The following STEAP4 variants were observed in gnomAD, a reference collection of about 807,000 sequenced individuals.
The protein encoded by STEAP4 is metalloreductase STEAP4.
A neutral mutation model predicts 43.6 loss-of-function variants in STEAP4; 36 were observed. That is an observed-to-expected ratio of 0.83 (90% CI 0.63 to 1.09). The LOEUF is 1.09. Among genes scored for constraint, STEAP4 ranks in the 50% least tolerant of loss-of-function variants. STEAP4 has a pLI of 0.00. For synonymous variants in STEAP4, 191 were observed against 196.7 expected (o/e 0.97, Z 0.24); for missense variants, 495 against 546.5 (o/e 0.91, Z 0.94).
At chr7:88,299,991 T>A (rs1586754054) in intron 1 of STEAP4, among the ~76,000 whole-genome samples, 1 of 152,282 alleles carries the variant, frequency 6.6e-6, no homozygotes, top group East Asian at 1.9e-4. Context: ...GGACTCCCCA[T>A]GGCCCCAGTG....
intron 1 of STEAP4, among the ~76,000 whole-genome samples, chr7:88,303,576 A>G (rs1178169273): frequency 2.0e-5 from 3 of 152,052 alleles, no homozygotes; most frequent in African/African-American, 7.2e-5. Context: ...AAACCTCTCC[A>G]CACATGGCTG....
At chr7:88,281,127 A>T (rs773087414) in intron 3 of STEAP4, 48 bp from the exon 4 acceptor site, 1 of 1,439,922 alleles carries the variant, frequency 6.9e-7, no homozygotes, top group Admixed American at 2.6e-5. Context: ...TACAAACTAC[A>T]TTTTACAAAC....
At position 88,280,961 on chromosome 7, in the gene STEAP4, G is replaced by A. The variant is rs1266935776; in HGVS notation, c.1103C>T (p.Pro368Leu). Reference sequence around the variant, plus strand: ...CCAGTTGACTGCATTGCTAACAGATGGCAAAGAAGTGATTCCCAAGAGTAC... The same window carrying A: ...CCAGTTGACTGCATTGCTAACAGATAGCAAAGAAGTGATTCCCAAGAGTAC... ...LFVLLGITSL[P>L]SVSNAVNWRE... Residue 368 changes from proline to leucine, a missense_variant, in exon 4 of 5, where the codon CCA becomes CTA. Pro to Leu is a moderately conservative substitution (Grantham distance 98). Coordinates refer to ENST00000380079, the MANE Select transcript of STEAP4 (RefSeq NM_024636.4). 2 of 1,611,804 alleles carry A rather than the reference G, an allele frequency of 1.2e-6. No individual in the cohort carries two copies. The highest frequency in any genetic ancestry group is 1.7e-5 in the Admixed American group (1 of 59,618).
chr7:88,279,710 G>A, intron 4 of STEAP4, 82 bp from the exon 5 acceptor site: 1 of 1,174,344 alleles, frequency 8.5e-7, no homozygotes, highest in East Asian at 2.6e-5. Flanking sequence ...ACAGATATTT[G>A]TCAACAACCA....
chr7:88,306,623 G>A (rs1285354400), intron 1 of STEAP4, among the ~76,000 whole-genome samples, 169 bp downstream of exon 1: 3 of 152,248 alleles, frequency 2.0e-5, no homozygotes, highest in Non-Finnish European at 4.4e-5. Context: ...GCTGAATCGC[G>A]GAGCAGCCTC....
intron 2 of STEAP4, 61 bp downstream of exon 2, chr7:88,283,753 G>C: frequency 6.7e-7 from 1 of 1,485,496 alleles, no homozygotes; most frequent in Admixed American, 2.0e-5. Flanking sequence ...GAATCTTTGA[G>C]GCAAGTGCAC....
chr7:88,280,450 G>C (rs1852598731), intron 4 of STEAP4, among the ~76,000 whole-genome samples: 1 of 152,206 alleles, frequency 6.6e-6, no homozygotes, highest in Non-Finnish European at 1.5e-5. Flanking sequence ...AGAATGTGTA[G>C]TTACTAACTG....
intron 1 of STEAP4, chr7:88,298,141 G>A (rs1852958719): frequency 6.6e-6 from 1 of 151,970 alleles, no homozygotes; most frequent in South Asian, 2.1e-4. Context: ...ATAAGTTGGG[G>A]ACAATCTGCC....
In STEAP4 at chr7:88,281,051, C is replaced by G. The variant is rs755631441; in HGVS notation, c.1013G>C (p.Ser338Thr). 5 of 1,603,148 alleles carry G rather than the reference C, an allele frequency of 3.1e-6. No individual in the cohort carries two copies. The Admixed American group carries it at 7.0e-5, about 22-fold the overall frequency. ...ATCACTGAGCCAGGCTGAGGAGGTG[C>G]TAAATGGATTCTCCTTCTTGAGTAT... is the stretch of plus-strand genomic sequence containing the variant. ...QAILKKENPF[S>T]TSSAWLSDSY... The change falls in exon 4 of 5, where the codon AGC becomes ACC. Residue 338 changes from serine to threonine, a missense_variant. Transcript: ENST00000380079.
chr7:88,300,019 G>C (rs1298487660), intron 1 of STEAP4, among the ~76,000 whole-genome samples: 2 of 152,180 alleles, frequency 1.3e-5, no homozygotes, highest in Non-Finnish European at 2.9e-5. Context: ...TGTTTGCTGA[G>C]ACCCATCAGA....
Position 88,284,005 on chromosome 7 carries a change from G to T in STEAP4, c.265C>A (p.Leu89Ile). Residue 89 changes from leucine (L) to isoleucine (I), a missense_variant, in exon 2 of 5, where the codon CTC (leucine) becomes ATC (isoleucine). By Grantham distance (5) the Leu-to-Ile change is conservative (BLOSUM62 2). Coordinates refer to ENST00000380079, the MANE Select transcript of STEAP4 (RefSeq NM_024636.4). ...TTGAGAACCTCAGTTAATTCTGTGA[G>T]AAAATCATAATGCTCTCTGTGGATT... ...IAIHREHYDFLTELTEVLNGK... is the reference protein window; with the variant it reads ...IAIHREHYDFITELTEVLNGK... 6.2e-7 allele frequency: 1 copy of T among 1,614,116 alleles called. No individual in the cohort carries two copies. Among genetic ancestry groups the T allele is most frequent in the Non-Finnish European group, 8.5e-7 (1 of 1,180,024 alleles).
In STEAP4 at chr7:88,282,961, C is replaced by A; in HGVS notation, c.664G>T (p.Asp222Tyr). ...VFLFFYCVIR[D>Y]VIYPYVYEKK... ...TCATAAACATAAGGGTAGATTACGT[C>A]TCTTATAACACAATAGAAAAACAAG... Residue 222 changes from aspartate (D) to tyrosine (Y), a missense_variant, in exon 3 of 5, where the codon GAC (aspartate) becomes TAC (tyrosine). Coordinates refer to ENST00000380079, the MANE Select transcript of STEAP4 (RefSeq NM_024636.4). 1 of 1,613,658 alleles carries A rather than the reference C, an allele frequency of 6.2e-7. No individual in the cohort carries two copies. Among genetic ancestry groups the A allele is most frequent in the Non-Finnish European group, 8.5e-7 (1 of 1,179,788 alleles).
rs894991312 is a variant in STEAP4, at chr7:88,273,747, C to T, written c.*5651G>A. The T allele has an allele frequency of 1.3e-5, 2 of 152,158 alleles. No homozygotes were observed. Among genetic ancestry groups the T allele is most frequent in the Non-Finnish European group, 2.9e-5 (2 of 68,028 alleles). 9.4% of individuals were successfully genotyped at this position (152,158 alleles called of 1,614,324 possible). ...CCTCAGGTCTGGGGATTTTACCTCCCTCCACCAGAACAAAGCTCCCTTTAG... is the reference window on the plus strand; with the variant it reads ...CCTCAGGTCTGGGGATTTTACCTCCTTCCACCAGAACAAAGCTCCCTTTAG... On this transcript the variant is annotated 3_prime_UTR_variant, in exon 5 of 5. Coordinates refer to ENST00000380079, the MANE Select transcript of STEAP4 (RefSeq NM_024636.4).
chr7:88,302,176 T>C (rs1586755342), intron 1 of STEAP4, among the ~76,000 whole-genome samples: 1 of 152,238 alleles, frequency 6.6e-6, no homozygotes, highest in African/African-American at 2.4e-5. Context: ...TTATGTACTA[T>C]GTCCATAAGG....
At chr7:88,298,506 CA>C (rs1852969681) in intron 1 of STEAP4, 2 of 151,414 alleles carry the variant, frequency 1.3e-5, no homozygotes, top group Non-Finnish European at 2.9e-5. Context: ...CACACACACA[CA>C]CACCTTTTAC....
In STEAP4 at chr7:88,279,237, C is replaced by A; in HGVS notation, c.*161G>T. ...TGGTGTTCTCTTCCAGTATGTCAGT[C>A]AATTTCTCAAAGACAAGCAATGTTT... is the stretch of plus-strand genomic sequence containing the variant. On this transcript the variant is annotated 3_prime_UTR_variant, in exon 5 of 5. Coordinates refer to ENST00000380079, the MANE Select transcript of STEAP4 (RefSeq NM_024636.4). The A allele has an allele frequency of 3.1e-6, 2 of 642,120 alleles. No homozygotes were observed. The highest frequency in any genetic ancestry group is 5.4e-6 in the Non-Finnish European group (2 of 373,722). 39.8% of individuals were successfully genotyped at this position (642,120 alleles called of 1,614,324 possible). A position where few individuals can be genotyped will look rare whatever the true frequency, so the allele number is the denominator to read the frequency against.
At position 88,278,203 on chromosome 7, in the gene STEAP4, G is replaced by C. The variant is rs1852546771; in HGVS notation, c.*1195C>G. The C allele has an allele frequency of 6.6e-6, 1 of 152,080 alleles. No individual in the cohort carries two copies. The highest frequency in any genetic ancestry group is 2.4e-5 in the African/African-American group (1 of 41,418). The allele number at this position is 152,080 out of a possible 1,614,324, so 9.4% of individuals were successfully genotyped here. On this transcript the variant is annotated 3_prime_UTR_variant, in exon 5 of 5. Coordinates refer to ENST00000380079, the MANE Select transcript of STEAP4 (RefSeq NM_024636.4). ...GCTAGGAAGGTTAATCCCCCTGAAG[G>C]TCACCTTGGAAAGGGTACTATCAGC... is the stretch of plus-strand genomic sequence containing the variant.
At position 88,284,223 on chromosome 7, in the gene STEAP4, G is replaced by A; in HGVS notation, c.47C>T (p.Ser16Leu). ...IDALPLTMNS[S>L]EKQETVCIFG... ...AATACATACAGTCTCTTGCTTTTCT[G>A]AAGAATTCATAGTAAGAGGAAGTGC... is the stretch of plus-strand genomic sequence containing the variant. Residue 16 changes from serine to leucine, a missense_variant, in exon 2 of 5, where the codon TCA becomes TTA. By Grantham distance (145) the Ser-to-Leu change is moderately radical. Coordinates refer to ENST00000380079, the MANE Select transcript of STEAP4 (RefSeq NM_024636.4). The A allele has an allele frequency of 1.2e-6, 2 of 1,611,246 alleles. No homozygotes were observed. The highest frequency in any genetic ancestry group is 2.2e-5 in the South Asian group (2 of 90,830).
At chr7:88,294,693 C>T (rs1852897305) in intron 1 of STEAP4, among the ~76,000 whole-genome samples, 1 of 151,954 alleles carries the variant, frequency 6.6e-6, no homozygotes, top group African/African-American at 2.4e-5. Context: ...AATGGTGGTA[C>T]TTTCTTTTCT....
Sources: gnomAD v4.1 joint callset for allele counts (sites outside exome capture counted in the v4.1 genomes callset) on GRCh38, gnomAD v4.1.1 for gene constraint, MANE v1.5 for transcripts, NCBI Gene and HGNC (gene_info 2026-07-23, HGNC 2026-07-21) for gene names.